Variants in MTAP observed in about 807,000 individuals in gnomAD.
MTAP encodes S-methyl-5'-thioadenosine phosphorylase.
Under a neutral mutation model 33.6 loss-of-function variants are expected in MTAP, and 33 were observed. That is an observed-to-expected ratio of 0.98 (90% confidence interval 0.74 to 1.31). The LOEUF (loss-of-function observed/expected upper bound fraction) is 1.31. MTAP is among the 40% of genes most tolerant of loss of function. The probability of loss-of-function intolerance (pLI) is 0.00; values close to 1 mark genes in which losing one functional copy is unlikely to be tolerated. For missense variants in MTAP, 367 were observed against 360.0 expected, an observed-to-expected ratio of 1.02 and a Z score of -0.16; for synonymous variants, 148 against 125.7, an observed-to-expected ratio of 1.18 and a Z score of -1.19.
intron 5 of MTAP, among the ~76,000 whole-genome samples, chr9:21,851,317 T>C (rs576950098): frequency 3.3e-5 from 5 of 152,324 alleles, no homozygotes; most frequent in African/African-American, 1.2e-4. Flanking sequence ...AGGACTGTAA[T>C]TGTCATGAGT....
intron 4 of MTAP, among the ~76,000 whole-genome samples, chr9:21,830,864 G>T (rs1438222377): frequency 3.3e-5 from 5 of 152,202 alleles, no homozygotes; most frequent in Admixed American, 2.0e-4. Context: ...GAGAAGAAAG[G>T]CATGACTCTT....
chr9:21,805,828 C>T (rs1824194075), intron 1 of MTAP, among the ~76,000 whole-genome samples: 1 of 152,112 alleles, frequency 6.6e-6, no homozygotes, highest in East Asian at 1.9e-4. Context: ...GCCACCCAGT[C>T]CTAAGATATT....
At chr9:21,820,416 T>C (rs1186780186) in intron 4 of MTAP, among the ~76,000 whole-genome samples, 3 of 152,238 alleles carry the variant, frequency 2.0e-5, no homozygotes, top group Non-Finnish European at 2.9e-5. Context: ...TCCCCATTTC[T>C]TGTTTTTGTC....
intron 1 of MTAP, among the ~76,000 whole-genome samples, chr9:21,813,478 AG>A (rs962077402): frequency 4.6e-5 from 7 of 152,200 alleles, no homozygotes; most frequent in Non-Finnish European, 1.0e-4. Flanking sequence ...GAGTGAGCTC[AG>A]GGGCTCTGAA....
intron 1 of MTAP, among the ~76,000 whole-genome samples, chr9:21,807,624 A>C (rs1046470570): frequency 6.6e-6 from 1 of 152,178 alleles, no homozygotes; most frequent in South Asian, 2.1e-4. Context: ...TACCCCCAGG[A>C]GAGCTGTTTG....
At chr9:21,817,262 AG>A (rs1224479537) in intron 3 of MTAP, among the ~76,000 whole-genome samples, 1 of 152,190 alleles carries the variant, frequency 6.6e-6, no homozygotes, top group Non-Finnish European at 1.5e-5. Context: ...AAGTTAGTCA[AG>A]ATATATGTAT....
chr9:21,894,778 T>C (rs1324005638), intron 1 of MTAP, among the ~76,000 whole-genome samples: 2 of 151,584 alleles, frequency 1.3e-5, no homozygotes, highest in African/African-American at 4.8e-5. Context: ...GAAAACTCCA[T>C]AGTGTCTGTC....
exon 8 of MTAP, chr9:21,936,778 A>G (rs1819046284): frequency 6.6e-6 from 1 of 152,206 alleles, no homozygotes; most frequent in South Asian, 2.1e-4. Flanking sequence ...TAACTAATAT[A>G]GAGTAGTTAA....
intron 1 of MTAP, among the ~76,000 whole-genome samples, chr9:21,920,960 A>C: frequency 6.6e-6 from 1 of 151,798 alleles, no homozygotes; most frequent in South Asian, 2.1e-4. Context: ...CACTTCTCCC[A>C]TTTTTTTTGG....
intron 5 of MTAP, 54 bp from the exon 6 acceptor site, chr9:21,854,577 C>A: frequency 6.7e-7 from 1 of 1,493,512 alleles, no homozygotes; most frequent in Non-Finnish European, 8.9e-7. Flanking sequence ...GAAGTGCAGC[C>A]TTAAGTTGTG....
In MTAP at chr9:21,863,229, T is replaced by C. The variant is rs1439214523; in HGVS notation, c.*1215T>C. 1.0e-6 allele frequency: 1 copy of C among 971,188 alleles called. No individual in the cohort carries two copies. Among genetic ancestry groups the C allele is most frequent in the Non-Finnish European group, 1.2e-6 (1 of 817,126 alleles). 60.2% of individuals were successfully genotyped at this position (971,188 alleles called of 1,614,324 possible). A position where few individuals can be genotyped will look rare whatever the true frequency, so the allele number is the denominator to read the frequency against. ...TGATTCTCCTTTTTATGAGTTAAAT[T>C]ATTTTATACGAGTTGGTAATTTTTG... On this transcript the variant is annotated 3_prime_UTR_variant, in exon 8 of 8. Coordinates refer to ENST00000644715, the MANE Select transcript of MTAP (RefSeq NM_002451.4).
intron 1 of MTAP, among the ~76,000 whole-genome samples, chr9:21,925,433 C>G (rs1054999178): frequency 2.0e-5 from 3 of 152,162 alleles, no homozygotes; most frequent in African/African-American, 7.2e-5. Flanking sequence ...CTTTTACAAC[C>G]AGGACTAGGA....
At chr9:21,920,280 TAAAC>T (rs1209146958) in intron 1 of MTAP, among the ~76,000 whole-genome samples, 1 of 152,088 alleles carries the variant, frequency 6.6e-6, no homozygotes, top group Non-Finnish European at 1.5e-5. Context: ...AGAGTATAAA[TAAAC>T]AGTGCCCACC....
chr9:21,878,045 G>A (rs759856666), intron 1 of MTAP, among the ~76,000 whole-genome samples: 1 of 151,578 alleles, frequency 6.6e-6, no homozygotes, highest in Non-Finnish European at 1.5e-5. Context: ...ACTCATTATT[G>A]TTCTGTTCAG....
chr9:21,899,392 A>G (rs1001397167), intron 1 of MTAP, among the ~76,000 whole-genome samples: 1 of 150,236 alleles, frequency 6.7e-6, no homozygotes, highest in African/African-American at 2.5e-5. Flanking sequence ...TAATGGAAGG[A>G]AGGAAGGAGA....
rs568380269 is a variant in MTAP at position 21,923,253 on chromosome 9, A to G, written c.148-7755A>G. Among the ~76,000 whole-genome samples, 228 of 152,252 alleles carry G rather than the reference A, an allele frequency of 1.5e-3. 1 individual carries two copies. Among genetic ancestry groups the G allele is most frequent in the Non-Finnish European group, 2.4e-3 (164 of 68,022 alleles). ...TTCTTCCAGCTCCTTATGACTTACC[A>G]TACACTTTTCATCCCTGTTATGCTC... On this transcript the variant is annotated intron_variant, in intron 1 of 1. Coordinates refer to the MTAP transcript ENST00000577563.
chr9:21,847,316 T>C (rs1305802789), intron 5 of MTAP, among the ~76,000 whole-genome samples: 2 of 152,210 alleles, frequency 1.3e-5, no homozygotes, highest in Non-Finnish European at 2.9e-5. Flanking sequence ...TAGAGAACCC[T>C]GACTAATACA....
rs7039330 is a variant in MTAP at position 21,913,184 on chromosome 9, C to T, written c.148-17824C>T. Reference sequence around the variant, plus strand: ...GCTCATGGATAGGAAGAATCAATATCGTGAAAATGGCCATACTGCCCAAGG... The same window carrying T: ...GCTCATGGATAGGAAGAATCAATATTGTGAAAATGGCCATACTGCCCAAGG... On this transcript the variant is annotated intron_variant, in intron 1 of 1. Transcript: ENST00000577563. Among the ~76,000 whole-genome samples the T allele has an allele frequency of 5.3e-5, 8 of 152,222 alleles. No individual in the cohort carries two copies. In the East Asian group the frequency reaches 7.7e-4, roughly 15 times the overall value.
At chr9:21,928,632 C>T (rs1266648186) in intron 1 of MTAP, among the ~76,000 whole-genome samples, 2 of 152,138 alleles carry the variant, frequency 1.3e-5, no homozygotes, top group African/African-American at 4.8e-5. Context: ...AGTAACTTAA[C>T]AGGTTAGTAA....
Sources: allele counts gnomAD v4.1 joint callset (sites outside exome capture counted in the v4.1 genomes callset), GRCh38; gene constraint gnomAD v4.1.1; transcripts MANE v1.5; gene names NCBI Gene and HGNC (gene_info 2026-07-23, HGNC 2026-07-21).